CBY3: variants seen among roughly 807,000 people sequenced by gnomAD.
The protein encoded by CBY3 is sperm annulus positioning complex subunit Chibby3.
Under a neutral mutation model 3.0 loss-of-function variants are expected in CBY3, and 7 were observed. The ratio of observed to expected loss-of-function variants is 2.32; its 90% confidence interval spans 1.32 to 4.35. The LOEUF is 4.35. Ranked by LOEUF, CBY3 falls within the 30% of genes most tolerant of loss-of-function variation. The pLI is 0.00. For synonymous variants in CBY3, 170 were observed against 154.5 expected, an observed-to-expected ratio of 1.10 and a Z score of -0.74; for missense variants, 400 against 336.4, an observed-to-expected ratio of 1.19 and a Z score of -1.48.
At chr5:179,680,793 G>T (rs939914410) in intron 1 of CBY3, 80 bp downstream of exon 1, 3 of 1,138,852 alleles carry the variant, frequency 2.6e-6, no homozygotes, top group African/African-American at 3.1e-5. Flanking sequence ...CTAGAGCAGG[G>T]TTCCCTCTGT....
In CBY3 at chr5:179,678,600, C is replaced by T; in HGVS notation, c.712G>A (p.Ala238Thr). ...TTATTGCGTCACTGCGAGTCCAGAG[C>T]GCACGGCTGGATCATGAGCACGCCC... ...SAGVLMIQPC[A>T]LDSQ is the part of the protein sequence containing the mutation. The change falls in exon 2 of 2, where the codon GCT becomes ACT. Residue 238 changes from alanine (A) to threonine (T), a missense_variant. Ala to Thr is a moderately conservative substitution (Grantham distance 58). Transcript: ENST00000376974. The T allele has an allele frequency of 6.6e-7, 1 of 1,520,798 alleles. No homozygotes were observed. 94.2% of individuals were successfully genotyped at this position (1,520,798 alleles called of 1,614,324 possible).
rs894776799 is a variant in CBY3, at chr5:179,679,400, C to T, written c.47-135G>A. 53 of 708,076 alleles carry T rather than the reference C, an allele frequency of 7.5e-5. No individual in the cohort carries two copies. The South Asian group carries it at 8.7e-4, about 12-fold the overall frequency. The allele number at this position is 708,076 out of a possible 1,614,324, so 43.9% of individuals were successfully genotyped here. A position where few individuals can be genotyped will look rare whatever the true frequency, so the allele number is the denominator to read the frequency against. The stretch of plus-strand genomic sequence containing the variant: ...ACCAGCTGCTGGCCACCGAGGAGCC[C>T]GTCGTTCCACGCTGCACAGGCAGCA... On this transcript the variant is annotated intron_variant, in intron 1 of 1. Coordinates refer to ENST00000376974, the MANE Select transcript of CBY3 (RefSeq NM_001164444.2).
chr5:179,680,888 G>T lies in CBY3; in HGVS notation c.31C>A (p.Pro11Thr). MWASRDHLPEPDLGDAAPPGS... is the reference protein window; with the variant it reads MWASRDHLPETDLGDAAPPGS... ...TGGTACATACCATCCCCAAGATCTGGTTCAGGGAGATGGTCTCTGGAAGCC... is the reference window on the plus strand; with the variant it reads ...TGGTACATACCATCCCCAAGATCTGTTTCAGGGAGATGGTCTCTGGAAGCC... The change falls in exon 1 of 2, where the codon CCA (proline) becomes ACA (threonine). Residue 11 changes from proline to threonine, a missense_variant. Pro to Thr is a conservative substitution (Grantham distance 38). Coordinates refer to ENST00000376974, the MANE Select transcript of CBY3 (RefSeq NM_001164444.2). The T allele has an allele frequency of 6.5e-7, 1 of 1,536,852 alleles. No individual in the cohort carries two copies.
rs1371358467 is a variant in CBY3 at position 179,678,640 on chromosome 5, G to T, written c.672C>A (p.Arg224=). Residue 224 remains arginine (R), a synonymous_variant, in exon 2 of 2, where the codon CGC becomes CGA. Transcript: ENST00000376974. ...ARAGQRKMRK[R]AGASAGVLMI... ...TGAGCACGCCCGCGCTGGCGCCTGC[G>T]CGCTTGCGCATCTTCCTCTGCCCGG... The T allele has an allele frequency of 4.6e-6, 7 of 1,533,120 alleles. No individual in the cohort carries two copies. Among genetic ancestry groups the T allele is most frequent in the Non-Finnish European group, 6.1e-6 (7 of 1,144,424 alleles). The allele number at this position is 1,533,120 out of a possible 1,614,324, so 95.0% of individuals were successfully genotyped here.
chr5:179,679,681 T>G (rs1186391036), intron 1 of CBY3, among the ~76,000 whole-genome samples: 1 of 151,984 alleles, frequency 6.6e-6, no homozygotes. Flanking sequence ...TTTTTGAGAC[T>G]GAGTCTCGCT....
chr5:179,679,120 C>T lies in CBY3; in HGVS notation c.192G>A (p.Ser64=). The T allele has an allele frequency of 2.6e-6, 4 of 1,535,696 alleles. No homozygotes were observed. The highest frequency in any genetic ancestry group is 2.6e-6 in the Non-Finnish European group (3 of 1,146,838). ...KVHALATFEC[S]ATSHASRLWQ... Reference sequence around the variant, plus strand: ...ACAGGCGGCTGGCATGGCTCGTAGCCGAGCACTCGAAGGTTGCCAGGGCGT... The same window carrying T: ...ACAGGCGGCTGGCATGGCTCGTAGCTGAGCACTCGAAGGTTGCCAGGGCGT... Residue 64 remains serine (S), a synonymous_variant, in exon 2 of 2, where the codon TCG becomes TCA. Transcript: ENST00000376974.
In CBY3 at chr5:179,678,713, A is replaced by G. The variant is rs1234380379; in HGVS notation, c.599T>C (p.Leu200Pro). The change falls in exon 2 of 2, where the codon CTG (leucine) becomes CCG (proline). Residue 200 changes from leucine (L) to proline (P), a missense_variant. Transcript: ENST00000376974. ...LTETMARMHLLEKQRNPEVIP... is the reference protein window; with the variant it reads ...LTETMARMHLPEKQRNPEVIP... ...CACCTCGGGGTTGCGCTGCTTCTCC[A>G]GCAAGTGCATGCGCGCCATGGTCTC... is the stretch of plus-strand genomic sequence containing the variant. The G allele has an allele frequency of 3.9e-6, 6 of 1,536,832 alleles. No individual in the cohort carries two copies. The highest frequency in any genetic ancestry group is 5.2e-6 in the Non-Finnish European group (6 of 1,146,712).
rs925910983 is a variant in CBY3, at chr5:179,679,220, G to A, written c.92C>T (p.Pro31Leu). The A allele has an allele frequency of 6.5e-7, 1 of 1,533,734 alleles. No individual in the cohort carries two copies. Among genetic ancestry groups the A allele is most frequent in the Non-Finnish European group, 8.7e-7 (1 of 1,146,456 alleles). ...SPSSFWTSGL[P>L]RQERSTSRQR... ...GCGACTCGTGCTGCGCTCTTGTCTC[G>A]GGAGCCCGGATGTCCAGAATGATGA... Residue 31 changes from proline to leucine, a missense_variant, in exon 2 of 2, where the codon CCG becomes CTG. Physicochemically the swap from Pro to Leu is moderately conservative, Grantham distance 98. Transcript: ENST00000376974.
In CBY3 at chr5:179,678,813, A is replaced by G; in HGVS notation, c.499T>C (p.Ser167Pro). 6.5e-7 allele frequency: 1 copy of G among 1,536,842 alleles called. No homozygotes were observed. Among genetic ancestry groups the G allele is most frequent in the African/African-American group, 1.4e-5 (1 of 73,126 alleles). The part of the protein sequence containing the change: ...AWGWKAQVQR[S>P]KSQVLLEENN... ...TCCTCCAGCAACACTTGGCTTTTGG[A>G]CCGCTGCACCTGCGCCTTCCAGCCC... is the stretch of plus-strand genomic sequence containing the variant. The change falls in exon 2 of 2, where the codon TCC (serine) becomes CCC (proline). Residue 167 changes from serine to proline, a missense_variant. By Grantham distance (74) the Ser-to-Pro change is moderately conservative (BLOSUM62 -1). Coordinates refer to ENST00000376974, the MANE Select transcript of CBY3 (RefSeq NM_001164444.2).
At chr5:179,679,658 TTC>T (rs1776002805) in intron 1 of CBY3, among the ~76,000 whole-genome samples, 1 of 152,030 alleles carries the variant, frequency 6.6e-6, no homozygotes, top group African/African-American at 2.4e-5. Context: ...GAGCAGGGCT[TTC>T]TTTTTCTTTT....
At position 179,678,608 on chromosome 5, in the gene CBY3, T is replaced by G; in HGVS notation, c.704A>C (p.Gln235Pro). 6.5e-7 allele frequency: 1 copy of G among 1,528,350 alleles called. No homozygotes were observed. The highest frequency in any genetic ancestry group is 8.8e-7 in the Non-Finnish European group (1 of 1,141,158). 94.7% of individuals were successfully genotyped at this position (1,528,350 alleles called of 1,614,324 possible). The stretch of plus-strand genomic sequence containing the variant: ...TCACTGCGAGTCCAGAGCGCACGGC[T>G]GGATCATGAGCACGCCCGCGCTGGC... The part of the protein sequence containing the change: ...AGASAGVLMI[Q>P]PCALDSQ The change falls in exon 2 of 2, where the codon CAG (glutamine) becomes CCG (proline). Residue 235 changes from glutamine (Q) to proline (P), a missense_variant. Coordinates refer to ENST00000376974, the MANE Select transcript of CBY3 (RefSeq NM_001164444.2).
Position 179,679,202 on chromosome 5 carries a change from G to A in CBY3, c.110C>T (p.Thr37Met). 6.5e-7 allele frequency: 1 copy of A among 1,534,694 alleles called. No individual in the cohort carries two copies. Residue 37 changes from threonine (T) to methionine (M), a missense_variant, in exon 2 of 2, where the codon ACG (threonine) becomes ATG (methionine). By Grantham distance (81) the Thr-to-Met change is moderately conservative. Transcript: ENST00000376974. ...GGAGCCTCGGGAGCGCTGGCGACTC[G>A]TGCTGCGCTCTTGTCTCGGGAGCCC... ...TSGLPRQERS[T>M]SRQRSRGSPS...
Position 179,678,636 on chromosome 5 carries a change from CTGCGCGCT to C in CBY3, c.668_675del (p.Lys223ArgfsTer21). 6.5e-7 allele frequency: 1 copy of C among 1,533,446 alleles called. No homozygotes were observed. 95.0% of individuals were successfully genotyped at this position (1,533,446 alleles called of 1,614,324 possible). ...ATCATGAGCACGCCCGCGCTGGCGC[CTGCGCGCT>C]TGCGCATCTTCCTCTGCCCGGCGCG... On this transcript the variant is annotated frameshift_variant, in exon 2 of 2. Coordinates refer to ENST00000376974, the MANE Select transcript of CBY3 (RefSeq NM_001164444.2). LOFTEE classifies it high-confidence loss of function.
Position 179,679,216 on chromosome 5 carries a change from T to C in CBY3, c.96A>G (p.Arg32=), listed in dbSNP as rs770005320. ...PSSFWTSGLP[R]QERSTSRQRS... ...GCTGGCGACTCGTGCTGCGCTCTTGTCTCGGGAGCCCGGATGTCCAGAATG... is the reference window on the plus strand; with the variant it reads ...GCTGGCGACTCGTGCTGCGCTCTTGCCTCGGGAGCCCGGATGTCCAGAATG... Residue 32 remains arginine (R), a synonymous_variant, in exon 2 of 2, where the codon AGA becomes AGG. Coordinates refer to ENST00000376974, the MANE Select transcript of CBY3 (RefSeq NM_001164444.2). 81 of 1,533,874 alleles carry C rather than the reference T, an allele frequency of 5.3e-5. 1 individual carries two copies. The highest frequency in any genetic ancestry group is 3.7e-5 in the Non-Finnish European group (42 of 1,146,528).
chr5:179,678,581 C>A lies in CBY3; in HGVS notation c.*2G>T. 3 of 1,493,268 alleles carry A rather than the reference C, an allele frequency of 2.0e-6. No homozygotes were observed. The highest frequency in any genetic ancestry group is 2.7e-6 in the Non-Finnish European group (3 of 1,121,756). The allele number at this position is 1,493,268 out of a possible 1,614,324, so 92.5% of individuals were successfully genotyped here. On this transcript the variant is annotated 3_prime_UTR_variant, in exon 2 of 2. Coordinates refer to ENST00000376974, the MANE Select transcript of CBY3 (RefSeq NM_001164444.2). ...CGCATGCGTAGCGCGGCCTTTATTG[C>A]GTCACTGCGAGTCCAGAGCGCACGG...
Position 179,680,963 on chromosome 5 carries a change from C to T in CBY3, c.-45G>A, listed in dbSNP as rs758484941. 4.3e-5 allele frequency: 64 copies of T among 1,495,546 alleles called. 1 individual carries two copies. The Middle Eastern group carries it at 1.3e-3, about 29-fold the overall frequency. 92.6% of individuals were successfully genotyped at this position (1,495,546 alleles called of 1,614,324 possible). On this transcript the variant is annotated 5_prime_UTR_variant, in exon 1 of 2. Coordinates refer to ENST00000376974, the MANE Select transcript of CBY3 (RefSeq NM_001164444.2). The stretch of plus-strand genomic sequence containing the variant: ...TGTATCTTCTCGGAGGATGTTTCCC[C>T]GTTAGTCCTCACTGTATGTTGTGCC...
intron 1 of CBY3, among the ~76,000 whole-genome samples, 187 bp downstream of exon 1, chr5:179,680,685 AC>A (rs1776040614): frequency 6.6e-6 from 1 of 151,198 alleles, no homozygotes; most frequent in South Asian, 2.1e-4. Context: ...TGCACCCCCC[AC>A]CCCTGCCCAG....
rs1457632343 is a variant in CBY3, at chr5:179,679,193, T to C, written c.119A>G (p.Gln40Arg). The change falls in exon 2 of 2, where the codon CAG (glutamine) becomes CGG (arginine). Residue 40 changes from glutamine (Q) to arginine (R), a missense_variant. By Grantham distance (43) the Gln-to-Arg change is conservative. Coordinates refer to ENST00000376974, the MANE Select transcript of CBY3 (RefSeq NM_001164444.2). ...GCTCGAAGGGGAGCCTCGGGAGCGCTGGCGACTCGTGCTGCGCTCTTGTCT... is the reference window on the plus strand; with the variant it reads ...GCTCGAAGGGGAGCCTCGGGAGCGCCGGCGACTCGTGCTGCGCTCTTGTCT... ...LPRQERSTSR[Q>R]RSRGSPSSTC... The C allele has an allele frequency of 1.0e-5, 16 of 1,534,688 alleles. No individual in the cohort carries two copies. The highest frequency in any genetic ancestry group is 1.3e-5 in the Non-Finnish European group (15 of 1,146,804).
At position 179,678,904 on chromosome 5, in the gene CBY3, G is replaced by A. The variant is rs750260749; in HGVS notation, c.408C>T (p.Gly136=). 2.0e-6 allele frequency: 3 copies of A among 1,535,050 alleles called. No homozygotes were observed. The highest frequency in any genetic ancestry group is 1.2e-5 in the South Asian group (1 of 83,924). ...GCTGGCTCTCAGTGGTCCACCGCCC[G>A]CCGCGGAACACGAAGGCCTGGTTGC... ...RLSNQAFVFR[G]GRWTTESQLA... Residue 136 remains glycine, a synonymous_variant, in exon 2 of 2, where the codon GGC becomes GGT. Coordinates refer to ENST00000376974, the MANE Select transcript of CBY3 (RefSeq NM_001164444.2).
Sources: gnomAD v4.1 joint callset for allele counts (sites outside exome capture counted in the v4.1 genomes callset) on GRCh38, gnomAD v4.1.1 for gene constraint, MANE v1.5 for transcripts, NCBI Gene and HGNC (gene_info 2026-07-23, HGNC 2026-07-21) for gene names.